Variants in PLCZ1 observed in about 807,000 individuals in gnomAD.
The protein encoded by PLCZ1 is phospholipase C zeta 1, also known as 1-phosphatidylinositol 4,5-bisphosphate phosphodiesterase zeta-1.
PLCZ1 carries 64 observed loss-of-function variants against 76.8 expected under a neutral mutation model. The observed-to-expected ratio is 0.83, with a 90% CI of 0.68 to 1.03. The LOEUF is 1.03. Among genes scored for constraint, PLCZ1 ranks in the 50% least tolerant of loss-of-function variants. PLCZ1 has a pLI of 0.00. For missense variants in PLCZ1, 751 were observed against 713.7 expected (o/e 1.05, Z -0.60); for synonymous variants, 248 against 230.8 (o/e 1.07, Z -0.68).
At chr12:18,662,534 A>G in the PLCZ1 span, among the ~76,000 whole-genome samples, 1 of 152,156 alleles carries the variant, frequency 6.6e-6, no homozygotes, top group African/African-American at 2.4e-5. Context: ...GTAAAGATCC[A>G]CAGTAAAGGT....
At chr12:18,677,551 T>C in the PLCZ1 span, among the ~76,000 whole-genome samples, 1 of 152,028 alleles carries the variant, frequency 6.6e-6, no homozygotes, top group African/African-American at 2.4e-5. Flanking sequence ...TCCCCTATGC[T>C]GTTTTCACTG....
Position 18,683,299 on chromosome 12 carries a change from G to A in PLCZ1, c.1767C>T (p.Ser589=). ...CAGGCTCAAGGCTCTCACCCATTCT[G>A]GAAAACAGAGGAATACGACGATAAC... is the stretch of plus-strand genomic sequence containing the variant. The part of the protein sequence containing the change: ...NKGYRRIPLF[S]RMGESLEPAS... The change falls in exon 15 of 15, where the codon TCC becomes TCT. Residue 589 remains serine, a synonymous_variant. Coordinates refer to ENST00000266505, the MANE Select transcript of PLCZ1 (RefSeq NM_033123.4). 1 of 1,612,368 alleles carries A rather than the reference G, an allele frequency of 6.2e-7. No individual in the cohort carries two copies. Among genetic ancestry groups the A allele is most frequent in the Non-Finnish European group, 8.5e-7 (1 of 1,178,962 alleles).
chr12:18,705,582 C>T (rs1956494467), intron 6 of PLCZ1, among the ~76,000 whole-genome samples: 1 of 152,020 alleles, frequency 6.6e-6, no homozygotes, highest in South Asian at 2.1e-4. Context: ...ATAAATTATA[C>T]TGGCCAGGCT....
the PLCZ1 span, among the ~76,000 whole-genome samples, chr12:18,661,820 C>T: frequency 2.6e-5 from 4 of 152,044 alleles, no homozygotes; most frequent in East Asian, 1.9e-4. Context: ...ATTGTTCTAC[C>T]GTTGTAGAAA....
At chr12:18,733,600 T>A (rs1273412948) in intron 3 of PLCZ1, among the ~76,000 whole-genome samples, 1 of 152,194 alleles carries the variant, frequency 6.6e-6, no homozygotes, top group Non-Finnish European at 1.5e-5. Flanking sequence ...TAGTTTCAGG[T>A]CTCAAGTTTA....
downstream of PLCZ1, among the ~76,000 whole-genome samples, chr12:18,679,290 TA>T (rs1338206350): frequency 1.3e-5 from 2 of 152,018 alleles, no homozygotes; most frequent in South Asian, 2.1e-4. Context: ...AAGTTCTTTT[TA>T]AAAAAATTTT....
chr12:18,703,975 T>A (rs1336514479), intron 7 of PLCZ1, among the ~76,000 whole-genome samples: 1 of 152,230 alleles, frequency 6.6e-6, no homozygotes, highest in Non-Finnish European at 1.5e-5. Context: ...TAGACAATAC[T>A]ATTCATCAAA....
At chr12:18,729,731 T>C (rs1353468262) in intron 3 of PLCZ1, among the ~76,000 whole-genome samples, 1 of 152,108 alleles carries the variant, frequency 6.6e-6, no homozygotes, top group Non-Finnish European at 1.5e-5. Flanking sequence ...TAGGCTTTTT[T>C]AGTAAAGGGA....
the PLCZ1 span, among the ~76,000 whole-genome samples, chr12:18,651,231 C>G: frequency 6.6e-6 from 1 of 151,910 alleles, no homozygotes; most frequent in African/African-American, 2.4e-5. Context: ...CCAAAATGTG[C>G]CTTTGTGCCC....
At chr12:18,674,607 A>G in the PLCZ1 span, among the ~76,000 whole-genome samples, 1 of 152,118 alleles carries the variant, frequency 6.6e-6, no homozygotes, top group Non-Finnish European at 1.5e-5. Flanking sequence ...GTAAACCTAC[A>G]TTTTCTTGCT....
rs114431806 is a variant in PLCZ1 at position 18,694,107 on chromosome 12, C to T, written c.1461+803G>A. 1,527 of 1,006,584 alleles carry T rather than the reference C, an allele frequency of 1.5e-3. 16 individuals carry two copies. In the African/African-American group the frequency reaches 0.022, roughly 15 times the overall value. 62.4% of individuals were successfully genotyped at this position (1,006,584 alleles called of 1,614,324 possible). ...GAGGGGCTGTATCTCTAGTGAACTA[C>T]GGCTGCCATCAGGAAAATGGTTGGG... On this transcript the variant is annotated intron_variant, in intron 12 of 14. Coordinates refer to ENST00000266505, the MANE Select transcript of PLCZ1 (RefSeq NM_033123.4).
chr12:18,702,011 A>AT (rs1220201380), intron 7 of PLCZ1, among the ~76,000 whole-genome samples: 4 of 152,160 alleles, frequency 2.6e-5, no homozygotes, highest in African/African-American at 9.7e-5. Context: ...GACTTACCAT[A>AT]TGCCATTTTT....
chr12:18,737,661 A>C (rs1166355763), intron 1 of PLCZ1, 152 bp from the exon 2 acceptor site: 1 of 531,576 alleles, frequency 1.9e-6, no homozygotes, highest in Non-Finnish European at 3.4e-6. Context: ...GACCACCTCC[A>C]AACCCACAAT....
the PLCZ1 span, among the ~76,000 whole-genome samples, chr12:18,652,049 T>C: frequency 2.0e-5 from 3 of 152,178 alleles, no homozygotes; most frequent in South Asian, 6.2e-4. Flanking sequence ...GTTTTACGTA[T>C]AACTTTTAAA....
intron 9 of PLCZ1, among the ~76,000 whole-genome samples, chr12:18,701,000 T>G (rs2137257144): frequency 8.0e-6 from 1 of 125,014 alleles, no homozygotes; most frequent in Non-Finnish European, 1.7e-5. Context: ...TTTTTTTTTT[T>G]GAAACAGGAT....
the PLCZ1 span, among the ~76,000 whole-genome samples, chr12:18,674,651 A>C: frequency 6.6e-6 from 1 of 152,146 alleles, no homozygotes; most frequent in South Asian, 2.1e-4. Context: ...CATGGTCACA[A>C]ATTTTTTGCA....
the PLCZ1 span, among the ~76,000 whole-genome samples, chr12:18,652,255 A>G: frequency 3.9e-5 from 6 of 152,162 alleles, no homozygotes; most frequent in Admixed American, 1.3e-4. Context: ...CCCATATACC[A>G]GTCACATATA....
At chr12:18,711,173 G>A (rs1957267762) in intron 6 of PLCZ1, among the ~76,000 whole-genome samples, 1 of 151,858 alleles carries the variant, frequency 6.6e-6, no homozygotes. Flanking sequence ...AGAAAATGGG[G>A]AACATATACA....
At chr12:18,646,950 G>C in the PLCZ1 span, among the ~76,000 whole-genome samples, 1 of 151,912 alleles carries the variant, frequency 6.6e-6, no homozygotes, top group Non-Finnish European at 1.5e-5. Context: ...ACGTGAAACT[G>C]TATATACAGC....
Sources: allele counts gnomAD v4.1 joint callset (sites outside exome capture counted in the v4.1 genomes callset), GRCh38; gene constraint gnomAD v4.1.1; transcripts MANE v1.5; gene names NCBI Gene and HGNC (gene_info 2026-07-23, HGNC 2026-07-21).